Variants in AGMO observed in about 807,000 individuals in gnomAD.
AGMO encodes the protein alkylglycerol monooxygenase, also known as glyceryl-ether monooxygenase.
AGMO carries 75 observed loss-of-function variants against 60.2 expected under a neutral mutation model. The observed-to-expected ratio is 1.25, with a 90% CI of 1.03 to 1.51. The LOEUF (loss-of-function observed/expected upper bound fraction) is 1.51, where lower values mean the gene tolerates loss of function less well. Ranked by LOEUF, AGMO falls within the 40% of genes most tolerant of loss-of-function variation. The probability of loss-of-function intolerance (pLI) is 0.00; values close to 1 mark genes in which losing one functional copy is unlikely to be tolerated. For missense variants in AGMO, 763 were observed against 525.5 expected (o/e 1.45, Z -4.42); for synonymous variants, 261 against 177.1 (o/e 1.47, Z -3.76).
intron 12 of AGMO, among the ~76,000 whole-genome samples, chr7:15,328,770 T>C (rs1487618037): frequency 6.6e-6 from 1 of 152,158 alleles, no homozygotes; most frequent in East Asian, 1.9e-4. Context: ...TTCCCATATA[T>C]TACTGACATT....
intron 3 of AGMO, among the ~76,000 whole-genome samples, chr7:15,497,397 A>AT (rs530808273): frequency 8.1e-4 from 123 of 152,150 alleles, no homozygotes; most frequent in African/African-American, 2.7e-3. Flanking sequence ...TTTCACAGGA[A>AT]TTTTTTTAAC....
At chr7:15,551,161 C>T (rs1039686444) in intron 2 of AGMO, among the ~76,000 whole-genome samples, 15 of 152,086 alleles carry the variant, frequency 9.9e-5, no homozygotes, top group Admixed American at 7.2e-4. Flanking sequence ...ATTGATGGGA[C>T]GTATTTCAAA....
intron 6 of AGMO, among the ~76,000 whole-genome samples, chr7:15,393,136 G>C (rs1784219092): frequency 1.3e-5 from 2 of 152,204 alleles, no homozygotes; most frequent in African/African-American, 4.8e-5. Flanking sequence ...CCTGGAATTG[G>C]AGAATGACTG....
chr7:15,515,158 A>C (rs1783776205), intron 3 of AGMO, among the ~76,000 whole-genome samples: 1 of 152,198 alleles, frequency 6.6e-6, no homozygotes, highest in Non-Finnish European at 1.5e-5. Flanking sequence ...TTATTCTTTC[A>C]ATGTGAGGAA....
At chr7:15,515,418 G>A (rs2128532478) in intron 3 of AGMO, among the ~76,000 whole-genome samples, 1 of 152,296 alleles carries the variant, frequency 6.6e-6, no homozygotes, top group African/African-American at 2.4e-5. Context: ...CTTCAGCTGT[G>A]TATTGGAGCT....
intron 4 of AGMO, among the ~76,000 whole-genome samples, chr7:15,426,566 TG>T (rs780879401): frequency 3.9e-5 from 6 of 151,934 alleles, no homozygotes; most frequent in Non-Finnish European, 8.8e-5. Context: ...CTGGGCAACA[TG>T]GCAAAACCCT....
chr7:15,355,102 T>G (rs1782471902), intron 12 of AGMO, among the ~76,000 whole-genome samples: 1 of 152,040 alleles, frequency 6.6e-6, no homozygotes, highest in Non-Finnish European at 1.5e-5. Context: ...TGATATGATG[T>G]AGGGTGAATT....
At chr7:15,170,735 C>T in the AGMO span, among the ~76,000 whole-genome samples, 1 of 151,966 alleles carries the variant, frequency 6.6e-6, no homozygotes. Flanking sequence ...TTCATATCAC[C>T]TTAGTTTTTT....
intron 3 of AGMO, among the ~76,000 whole-genome samples, chr7:15,512,668 G>A (rs1783705781): frequency 6.6e-6 from 1 of 152,034 alleles, no homozygotes; most frequent in South Asian, 2.1e-4. Flanking sequence ...TAAATTGCTT[G>A]CTATTTACTA....
At chr7:15,316,415 G>A (rs1375584684) in intron 12 of AGMO, among the ~76,000 whole-genome samples, 2 of 152,124 alleles carry the variant, frequency 1.3e-5, no homozygotes, top group Admixed American at 6.6e-5. Flanking sequence ...GCCCACTTGA[G>A]GGCCACTGAC....
At chr7:15,247,260 GTATT>G (rs202000840) in intron 12 of AGMO, among the ~76,000 whole-genome samples, 2,297 of 151,962 alleles carry the variant, frequency 0.015, 67 homozygotes, top group African/African-American at 0.053. Context: ...ATAATTATAT[GTATT>G]TATATTTACA....
intron 12 of AGMO, among the ~76,000 whole-genome samples, chr7:15,349,318 T>C (rs1391573583): frequency 1.3e-5 from 2 of 152,162 alleles, no homozygotes. Flanking sequence ...TTAACTTATC[T>C]GGAACCACTG....
intron 12 of AGMO, among the ~76,000 whole-genome samples, chr7:15,255,585 C>T (rs1422467080): frequency 1.3e-5 from 2 of 150,554 alleles, no homozygotes; most frequent in Non-Finnish European, 2.9e-5. Flanking sequence ...GGCCAATATC[C>T]GTGATGAACA....
rs1782874852 is a variant in AGMO at position 15,364,204 on chromosome 7, T to C, written c.1263+1310A>G. 2.0e-5 allele frequency among the ~76,000 whole-genome samples: 3 copies of C among 152,100 alleles called. No individual in the cohort carries two copies. The South Asian group carries it at 6.2e-4, about 31-fold the overall frequency. On this transcript the variant is annotated intron_variant, in intron 12 of 12. Coordinates refer to ENST00000342526, the MANE Select transcript of AGMO (RefSeq NM_001004320.2). ...GGTATCAAAGAATATTAATAAAGAA[T>C]CTTCTGCTTCTTCCTTTCTTCTAAC...
intron 10 of AGMO, among the ~76,000 whole-genome samples, chr7:15,373,316 G>A (rs917017748): frequency 6.6e-6 from 1 of 151,880 alleles, no homozygotes; most frequent in Non-Finnish European, 1.5e-5. Flanking sequence ...GTTTTCATAG[G>A]TTTCCCAGTG....
At chr7:15,254,096 T>C (rs369699800) in intron 12 of AGMO, among the ~76,000 whole-genome samples, 1 of 152,122 alleles carries the variant, frequency 6.6e-6, no homozygotes, top group Non-Finnish European at 1.5e-5. Context: ...ATGTGTAATA[T>C]CCATATTTTC....
chr7:15,520,040 T>C (rs1490217216), intron 3 of AGMO, among the ~76,000 whole-genome samples: 2 of 142,886 alleles, frequency 1.4e-5, no homozygotes, highest in Non-Finnish European at 3.1e-5. Context: ...AATGCAGGGG[T>C]TGCAATTCTA....
the AGMO span, among the ~76,000 whole-genome samples, chr7:15,131,495 A>C: frequency 6.6e-6 from 1 of 152,004 alleles, no homozygotes; most frequent in Non-Finnish European, 1.5e-5. Context: ...GGACACCCCA[A>C]AGATAAGTTG....
At chr7:15,538,600 T>A (rs1403610151) in intron 3 of AGMO, among the ~76,000 whole-genome samples, 1 of 152,240 alleles carries the variant, frequency 6.6e-6, no homozygotes, top group African/African-American at 2.4e-5. Context: ...ACAAAAATCT[T>A]AGGTATATTC....
Sources: allele counts gnomAD v4.1 joint callset (sites outside exome capture counted in the v4.1 genomes callset), GRCh38; gene constraint gnomAD v4.1.1; transcripts MANE v1.5; gene names NCBI Gene and HGNC (gene_info 2026-07-23, HGNC 2026-07-21).